Variants in JAK1 observed in about 807,000 individuals in gnomAD.
The protein encoded by JAK1 is tyrosine-protein kinase JAK1.
A neutral mutation model predicts 136.6 loss-of-function variants in JAK1; 16 were observed. The ratio of observed to expected loss-of-function variants is 0.12; its 90% CI spans 0.08 to 0.18. The LOEUF is 0.18. Among genes scored for constraint, JAK1 ranks in the 10% least tolerant of loss-of-function variants. The probability of loss-of-function intolerance (pLI) is 1.00; values close to 1 mark genes in which losing one functional copy is unlikely to be tolerated. For missense variants in JAK1, 859 were observed against 1,450.1 expected (o/e 0.59, Z 6.62); for synonymous variants, 492 against 519.5 (o/e 0.95, Z 0.72).
intron 1 of JAK1, among the ~76,000 whole-genome samples, chr1:64,930,837 T>C (rs1346064711): frequency 6.6e-6 from 1 of 152,220 alleles, no homozygotes; most frequent in Non-Finnish European, 1.5e-5. Flanking sequence ...GATGAGTTCA[T>C]GTCTTTTGCA....
At chr1:65,063,461 G>A (rs1356803586) in intron 1 of JAK1, among the ~76,000 whole-genome samples, 1 of 152,154 alleles carries the variant, frequency 6.6e-6, no homozygotes, top group African/African-American at 2.4e-5. Flanking sequence ...GTGGAAAATA[G>A]AAACACAAAC....
At chr1:64,848,543 G>A (rs564756001) in intron 12 of JAK1, among the ~76,000 whole-genome samples, 10 of 152,306 alleles carry the variant, frequency 6.6e-5, no homozygotes, top group South Asian at 6.2e-4. Context: ...ACCCCCAGAT[G>A]AGTGGCAGGA....
At chr1:64,957,218 A>G (rs1306441118) in intron 1 of JAK1, among the ~76,000 whole-genome samples, 1 of 152,062 alleles carries the variant, frequency 6.6e-6, no homozygotes, top group Non-Finnish European at 1.5e-5. Flanking sequence ...TCTAGGGGCA[A>G]CAGTGAGTGG....
chr1:64,848,669 G>T (rs922675565), intron 12 of JAK1, among the ~76,000 whole-genome samples: 4 of 152,118 alleles, frequency 2.6e-5, no homozygotes, highest in Non-Finnish European at 5.9e-5. Flanking sequence ...TTTGGAAATC[G>T]AAATGGGATT....
intron 17 of JAK1, 111 bp from the exon 18 acceptor site, chr1:64,841,712 T>C (rs1406879687): frequency 9.2e-7 from 1 of 1,086,624 alleles, no homozygotes; most frequent in Non-Finnish European, 1.4e-6. Flanking sequence ...CATCTCCACT[T>C]ACAGGTAGAT....
intron 1 of JAK1, among the ~76,000 whole-genome samples, chr1:64,920,866 T>C (rs1404144434): frequency 3.3e-5 from 5 of 152,170 alleles, no homozygotes; most frequent in African/African-American, 7.2e-5. Context: ...ATCAAGGCAG[T>C]ACACAGGAAC....
intron 1 of JAK1, among the ~76,000 whole-genome samples, chr1:64,895,125 C>T (rs1181195689): frequency 1.3e-5 from 2 of 152,330 alleles, no homozygotes; most frequent in East Asian, 1.9e-4. Flanking sequence ...TAGGGTTACA[C>T]ATCATTGTCT....
intron 2 of JAK1, among the ~76,000 whole-genome samples, chr1:64,885,990 A>T (rs1421453385): frequency 6.6e-6 from 1 of 152,234 alleles, no homozygotes; most frequent in African/African-American, 2.4e-5. Context: ...GCATATTAAA[A>T]TCTAGAAGAA....
intron 1 of JAK1, among the ~76,000 whole-genome samples, chr1:65,062,751 A>C (rs1033808002): frequency 6.6e-6 from 1 of 152,238 alleles, no homozygotes; most frequent in African/African-American, 2.4e-5. Context: ...CTCTTTCTAA[A>C]AAAGTCAGAA....
At chr1:64,899,379 T>C (rs1336359320) in intron 1 of JAK1, among the ~76,000 whole-genome samples, 1 of 152,208 alleles carries the variant, frequency 6.6e-6, no homozygotes, top group Non-Finnish European at 1.5e-5. Flanking sequence ...TAGGTAGAAG[T>C]ATAAATTACT....
At chr1:64,896,116 T>C (rs1645010424) in intron 1 of JAK1, among the ~76,000 whole-genome samples, 1 of 152,238 alleles carries the variant, frequency 6.6e-6, no homozygotes, top group African/African-American at 2.4e-5. Flanking sequence ...AAAACGGTGA[T>C]CAGATGCAGT....
chr1:64,988,484 A>G (rs1050098018), intron 2 of JAK1, among the ~76,000 whole-genome samples: 2 of 152,102 alleles, frequency 1.3e-5, no homozygotes, highest in African/African-American at 4.8e-5. Flanking sequence ...TGTCCCCCCC[A>G]TAGAAACTCA....
intron 1 of JAK1, among the ~76,000 whole-genome samples, chr1:64,924,016 A>G (rs1645540413): frequency 6.6e-6 from 1 of 152,248 alleles, no homozygotes; most frequent in Non-Finnish European, 1.5e-5. Context: ...CTCTGTCACG[A>G]GTACATCAGA....
chr1:65,040,085 G>C (rs1243371416), intron 2 of JAK1, among the ~76,000 whole-genome samples: 1 of 151,910 alleles, frequency 6.6e-6, no homozygotes, highest in Admixed American at 6.6e-5. Flanking sequence ...CATGGTGGTG[G>C]GCACCTATAA....
At chr1:64,990,936 A>AG (rs1366084949) in intron 2 of JAK1, 4 of 144,574 alleles carry the variant, frequency 2.8e-5, no homozygotes, top group Admixed American at 7.2e-5. Context: ...AAAAAAAAAA[A>AG]AAAGAAAAGA....
chr1:65,034,738 T>C (rs1647057741), intron 2 of JAK1, among the ~76,000 whole-genome samples: 1 of 152,200 alleles, frequency 6.6e-6, no homozygotes, highest in Non-Finnish European at 1.5e-5. Context: ...ATGGTATCTT[T>C]TTCTTCTCTA....
intron 2 of JAK1, chr1:64,974,448 C>G (rs1557737930): frequency 6.6e-6 from 1 of 152,158 alleles, no homozygotes; most frequent in Non-Finnish European, 1.5e-5. Flanking sequence ...TCATACTACC[C>G]AGCCCATTTA....
chr1:64,944,269 T>C (rs1412579724), intron 1 of JAK1, among the ~76,000 whole-genome samples: 1 of 148,104 alleles, frequency 6.8e-6, no homozygotes, highest in African/African-American at 2.5e-5. Flanking sequence ...TAATTAAATA[T>C]CTACAGAGTA....
Position 64,873,379 on chromosome 1 carries a change from C to T in JAK1, c.474G>A (p.Leu158=). 5.0e-6 allele frequency: 8 copies of T among 1,614,182 alleles called. No individual in the cohort carries two copies. Among genetic ancestry groups the T allele is most frequent in the Non-Finnish European group, 6.8e-6 (8 of 1,180,030 alleles). Reference sequence around the variant, plus strand: ...GGCCCAAACTTCCTACCTGAGCAAACAGATACTCCAGTGAGCTGGCATCAA... The same window carrying T: ...GGCCCAAACTTCCTACCTGAGCAAATAGATACTCCAGTGAGCTGGCATCAA... The part of the protein sequence containing the change: ...PLLDASSLEY[L]FAQGQYDLVK... Residue 158 remains leucine, a synonymous_variant, in exon 5 of 25, where the codon CTG becomes CTA. Transcript: ENST00000342505.
Sources: gnomAD v4.1 joint callset for allele counts (sites outside exome capture counted in the v4.1 genomes callset) on GRCh38, gnomAD v4.1.1 for gene constraint, MANE v1.5 for transcripts, NCBI Gene and HGNC (gene_info 2026-07-23, HGNC 2026-07-21) for gene names.